Variants in ZNF112 observed in about 807,000 individuals in gnomAD.
The protein encoded by ZNF112 is zinc finger protein 112 (Y14).
ZNF112 carries 37 observed loss-of-function variants against 77.7 expected under a neutral mutation model. That is an observed-to-expected ratio of 0.48 (90% confidence interval 0.37 to 0.63). The LOEUF is 0.63. Among genes scored for constraint, ZNF112 ranks in the 20% least tolerant of loss-of-function variants. The pLI is 0.00. For synonymous variants in ZNF112, 333 were observed against 363.6 expected, an observed-to-expected ratio of 0.92 and a Z score of 0.96; for missense variants, 950 against 1,077.4, an observed-to-expected ratio of 0.88 and a Z score of 1.66.
Position 44,327,715 on chromosome 19 carries a change from A to C in ZNF112, c.2442T>G (p.Leu814=). The C allele has an allele frequency of 6.2e-7, 1 of 1,613,520 alleles. No individual in the cohort carries two copies. Among genetic ancestry groups the C allele is most frequent in the Non-Finnish European group, 8.5e-7 (1 of 1,179,860 alleles). The change falls in exon 4 of 4, where the codon CTT becomes CTG. Residue 814 remains leucine, a synonymous_variant. Coordinates refer to ENST00000354340, the MANE Select transcript of ZNF112 (RefSeq NM_013380.4). Reference sequence around the variant, plus strand: ...CTGTGTGGACTCTGTGATGGGCTTGAAGACTTGAATACCCACTGAAACCCT... The same window carrying C: ...CTGTGTGGACTCTGTGATGGGCTTGCAGACTTGAATACCCACTGAAACCCT... The part of the protein sequence containing the change: ...CGKGFSGYSS[L]QAHHRVHTGE...
intron 3 of ZNF112, 135 bp downstream of exon 3, chr19:44,336,488 C>T (rs931383568): frequency 8.8e-6 from 6 of 682,688 alleles, no homozygotes; most frequent in Admixed American, 7.9e-5. Context: ...ACCTAATAGA[C>T]CACTTTAAGT....
At chr19:44,353,254 A>C (rs1006866615) in intron 1 of ZNF112, among the ~76,000 whole-genome samples, 1 of 152,120 alleles carries the variant, frequency 6.6e-6, no homozygotes, top group African/African-American at 2.4e-5. Flanking sequence ...ATTATAAAAA[A>C]AGTTAAAATG....
intron 3 of ZNF112, among the ~76,000 whole-genome samples, chr19:44,331,185 G>A (rs983044495): frequency 4.6e-5 from 7 of 152,176 alleles, no homozygotes; most frequent in African/African-American, 1.7e-4. Context: ...AACGGCCATG[G>A]TGTAGGTCAA....
chr19:44,349,718 T>C (rs750611614), intron 1 of ZNF112, among the ~76,000 whole-genome samples: 2 of 152,068 alleles, frequency 1.3e-5, no homozygotes, highest in Non-Finnish European at 2.9e-5. Flanking sequence ...AGGAAAGTAA[T>C]TTACCAGTGA....
At chr19:44,350,022 C>T (rs754970496) in intron 1 of ZNF112, among the ~76,000 whole-genome samples, 1 of 152,052 alleles carries the variant, frequency 6.6e-6, no homozygotes, top group Non-Finnish European at 1.5e-5. Context: ...GGAACAACCA[C>T]AGGTGAAAAT....
At chr19:44,336,228 C>T (rs1970363077) in intron 3 of ZNF112, among the ~76,000 whole-genome samples, 1 of 152,160 alleles carries the variant, frequency 6.6e-6, no homozygotes, top group South Asian at 2.1e-4. Flanking sequence ...GAATACCCTT[C>T]AATTACACAG....
chr19:44,329,986 A>C, intron 3 of ZNF112, 50 bp from the exon 4 acceptor site: 1 of 1,414,074 alleles, frequency 7.1e-7, no homozygotes, highest in Non-Finnish European at 9.6e-7. Context: ...GCTTTATTCA[A>C]GAGATTTGAA....
In ZNF112 at chr19:44,328,132, C is replaced by G; in HGVS notation, c.2025G>C (p.Leu675Phe). The change falls in exon 4 of 4, where the codon TTG becomes TTC. Residue 675 changes from leucine to phenylalanine, a missense_variant. Physicochemically the swap from Leu to Phe is conservative, Grantham distance 22. Transcript: ENST00000354340. ...CTCCCGTGTGGACCCTCTGATGGGC[C>G]AAAAGTGTTGAGGCCTTACTGAAGC... ...GKGFSKASTLLAHQRVHTGEK... is the reference protein window; with the variant it reads ...GKGFSKASTLFAHQRVHTGEK... 6.2e-7 allele frequency: 1 copy of G among 1,613,510 alleles called. No individual in the cohort carries two copies. The highest frequency in any genetic ancestry group is 8.5e-7 in the Non-Finnish European group (1 of 1,179,858).
rs763899533 is a variant in ZNF112 at position 44,328,373 on chromosome 19, C to G, written c.1784G>C (p.Arg595Thr). The change falls in exon 4 of 4, where the codon AGA becomes ACA. Residue 595 changes from arginine (R) to threonine (T), a missense_variant. Coordinates refer to ENST00000354340, the MANE Select transcript of ZNF112 (RefSeq NM_013380.4). ...GTATGGTTTTTCTCCAGTGTGAACT[C>G]TCTGATGGCCTTGAAGGTATGAATT... ...SRNSYLQGHQ[R>T]VHTGEKPYKC... 5.0e-6 allele frequency: 8 copies of G among 1,613,986 alleles called. No individual in the cohort carries two copies. The highest frequency in any genetic ancestry group is 5.1e-6 in the Non-Finnish European group (6 of 1,179,964).
In ZNF112 at chr19:44,348,832, A is replaced by C. The variant is rs148963036; in HGVS notation, c.-4+7794T>G. The stretch of plus-strand genomic sequence containing the variant: ...ATAGCAATGATGCATATATTAGAAA[A>C]GAGGTCTTAAAGGCAAACAGAAAAA... On this transcript the variant is annotated intron_variant, in intron 1 of 3. Coordinates refer to ENST00000354340, the MANE Select transcript of ZNF112 (RefSeq NM_013380.4). Among the ~76,000 whole-genome samples the C allele has an allele frequency of 5.3e-5, 8 of 152,222 alleles. No individual in the cohort carries two copies. The East Asian group carries it at 1.5e-3, about 29-fold the overall frequency.
At chr19:44,364,469 T>C (rs1447762830) in intron 1 of ZNF112, among the ~76,000 whole-genome samples, 1 of 152,212 alleles carries the variant, frequency 6.6e-6, no homozygotes, top group Non-Finnish European at 1.5e-5. Flanking sequence ...CAGAGTTTAA[T>C]GTAGAATAAG....
At chr19:44,362,220 TGGA>T (rs1970861597) in intron 1 of ZNF112, among the ~76,000 whole-genome samples, 6 of 150,766 alleles carry the variant, frequency 4.0e-5, no homozygotes, top group Admixed American at 3.3e-4. Context: ...GAGAAGAAGA[TGGA>T]GGAGAAGGGG....
In ZNF112 at chr19:44,327,240, G is replaced by A. The variant is rs745549758; in HGVS notation, c.*193C>T. ...TCATATTTTATAAGCCTTAGCTCCTGTGCAATGACTGATGTTAAAGTTCTA... is the reference window on the plus strand; with the variant it reads ...TCATATTTTATAAGCCTTAGCTCCTATGCAATGACTGATGTTAAAGTTCTA... On this transcript the variant is annotated 3_prime_UTR_variant, in exon 4 of 4. Transcript: ENST00000354340. 3.6e-6 allele frequency: 2 copies of A among 551,280 alleles called. No individual in the cohort carries two copies. Among genetic ancestry groups the A allele is most frequent in the Non-Finnish European group, 6.4e-6 (2 of 313,946 alleles). The allele number at this position is 551,280 out of a possible 1,614,324, so 34.1% of individuals were successfully genotyped here. A position where few individuals can be genotyped will look rare whatever the true frequency, so the allele number is the denominator to read the frequency against.
At position 44,328,038 on chromosome 19, in the gene ZNF112, T is replaced by G. The variant is rs200577068; in HGVS notation, c.2119A>C (p.Ser707Arg). The change falls in exon 4 of 4, where the codon AGT (serine) becomes CGT (arginine). Residue 707 changes from serine to arginine, a missense_variant. This residue lies in a region of ZNF112 where 373 missense variants were observed against 482.8 expected (regional missense o/e 0.77). Coordinates refer to ENST00000354340, the MANE Select transcript of ZNF112 (RefSeq NM_013380.4). ...TATGGTCTTTCTCCAGAATGGACAC[T>G]CTGATGACTCTGAAGGTATGATCTC... ...SQRSYLQSHQ[S>R]VHSGERPYIC... is the part of the protein sequence containing the mutation. The G allele has an allele frequency of 7.2e-5, 117 of 1,613,900 alleles. No homozygotes were observed. The highest frequency in any genetic ancestry group is 8.9e-5 in the Non-Finnish European group (105 of 1,179,984).
chr19:44,348,589 G>A (rs1970637569), intron 1 of ZNF112, among the ~76,000 whole-genome samples: 1 of 151,930 alleles, frequency 6.6e-6, no homozygotes, highest in South Asian at 2.1e-4. Flanking sequence ...AAGTAGAAAT[G>A]AACAAGAAAA....
intron 2 of ZNF112, among the ~76,000 whole-genome samples, chr19:44,337,871 ACACACACC>A (rs1970414976): frequency 7.5e-6 from 1 of 133,530 alleles, no homozygotes; most frequent in African/African-American, 3.2e-5. Flanking sequence ...ACACACACAC[ACACACACC>A]CTAGCTCTAT....
chr19:44,335,175 C>T (rs1342784548), intron 3 of ZNF112, among the ~76,000 whole-genome samples: 3 of 152,232 alleles, frequency 2.0e-5, no homozygotes, highest in African/African-American at 7.2e-5. Context: ...AGATTATTTT[C>T]GAACTCTGAG....
At chr19:44,340,659 T>G in intron 1 of ZNF112, 117 bp from the exon 2 acceptor site, 1 of 1,437,966 alleles carries the variant, frequency 7.0e-7, no homozygotes, top group South Asian at 1.2e-5. Flanking sequence ...TACATAGTTC[T>G]CTTCTGTTTA....
chr19:44,363,002 C>T (rs1483747939), intron 1 of ZNF112, among the ~76,000 whole-genome samples: 1 of 152,166 alleles, frequency 6.6e-6, no homozygotes, highest in Non-Finnish European at 1.5e-5. Context: ...CAGGGTCTTA[C>T]CTTGTCACCT....
Sources: allele counts gnomAD v4.1 joint callset (sites outside exome capture counted in the v4.1 genomes callset), GRCh38; gene constraint gnomAD v4.1.1; regional missense constraint gnomAD v4.1.1; transcripts MANE v1.5; gene names NCBI Gene and HGNC (gene_info 2026-07-23, HGNC 2026-07-21).